Variants in FRK observed in about 807,000 individuals in gnomAD.
FRK encodes the protein tyrosine-protein kinase FRK.
FRK carries 51 observed loss-of-function variants against 56.4 expected under a neutral mutation model. The ratio of observed to expected loss-of-function variants is 0.90; its 90% CI spans 0.72 to 1.14. The LOEUF (loss-of-function observed/expected upper bound fraction) is 1.14. Among genes scored for constraint, FRK ranks in the 50% most tolerant of loss-of-function variants. The probability of loss-of-function intolerance (pLI) is 0.00; values close to 1 mark genes in which losing one functional copy is unlikely to be tolerated. For synonymous variants in FRK, 245 were observed against 217.9 expected, an observed-to-expected ratio of 1.12 and a Z score of -1.10; for missense variants, 570 against 601.4, an observed-to-expected ratio of 0.95 and a Z score of 0.55.
chr6:116,028,694 T>C (rs1035586527), intron 1 of FRK, among the ~76,000 whole-genome samples: 1 of 152,050 alleles, frequency 6.6e-6, no homozygotes, highest in Non-Finnish European at 1.5e-5. Context: ...ATTTCCCCTT[T>C]ATATAAGTAC....
At chr6:116,051,832 G>A (rs1352922822) in intron 1 of FRK, among the ~76,000 whole-genome samples, 4 of 152,076 alleles carry the variant, frequency 2.6e-5, no homozygotes, top group Non-Finnish European at 5.9e-5. Context: ...TTTTGGTAAT[G>A]TTAGAATGTA....
intron 1 of FRK, among the ~76,000 whole-genome samples, chr6:116,025,160 C>G (rs912667986): frequency 1.3e-5 from 2 of 152,054 alleles, no homozygotes; most frequent in African/African-American, 4.8e-5. Context: ...ATTAGTGAGG[C>G]CCCAGAAGAT....
intron 1 of FRK, among the ~76,000 whole-genome samples, chr6:116,033,422 T>C (rs551545163): frequency 9.2e-5 from 14 of 152,140 alleles, no homozygotes; most frequent in African/African-American, 3.4e-4. Context: ...GAGCAAGGTA[T>C]TACATCTATG....
At chr6:116,081,540 C>A in the FRK span, among the ~76,000 whole-genome samples, 1 of 152,010 alleles carries the variant, frequency 6.6e-6, no homozygotes, top group African/African-American at 2.4e-5. Flanking sequence ...TGCCTGTAAT[C>A]CTAGCTACTC....
chr6:115,994,133 A>G (rs1432794403), intron 2 of FRK, among the ~76,000 whole-genome samples: 4 of 152,012 alleles, frequency 2.6e-5, no homozygotes, highest in South Asian at 2.1e-4. Flanking sequence ...TTTCTTTGCC[A>G]TAAGACTTAT....
intron 2 of FRK, among the ~76,000 whole-genome samples, chr6:116,003,468 T>C (rs1775137867): frequency 6.6e-6 from 1 of 152,212 alleles, no homozygotes; most frequent in South Asian, 2.1e-4. Flanking sequence ...ATTAATCATT[T>C]CAATTCGTTT....
intron 2 of FRK, among the ~76,000 whole-genome samples, chr6:115,996,066 CA>C (rs1774827703): frequency 6.6e-6 from 1 of 152,060 alleles, no homozygotes; most frequent in Non-Finnish European, 1.5e-5. Flanking sequence ...TTTTAAAAAG[CA>C]AAACATCTTT....
chr6:116,050,009 A>G (rs1273253986), intron 1 of FRK, among the ~76,000 whole-genome samples: 1 of 152,098 alleles, frequency 6.6e-6, no homozygotes, highest in East Asian at 1.9e-4. Context: ...TGAGTTGAAC[A>G]TTGTTTTTTA....
At chr6:116,012,054 C>T (rs1057265128) in intron 1 of FRK, among the ~76,000 whole-genome samples, 2 of 152,166 alleles carry the variant, frequency 1.3e-5, no homozygotes, top group African/African-American at 4.8e-5. Context: ...TAACCCTTGT[C>T]TAATTCAACA....
At chr6:115,976,457 T>C (rs2114624639) in intron 2 of FRK, among the ~76,000 whole-genome samples, 1 of 152,286 alleles carries the variant, frequency 6.6e-6, no homozygotes, top group Non-Finnish European at 1.5e-5. Context: ...CACAAAGACG[T>C]CAAGTCGGCT....
chr6:116,033,844 G>A (rs531655814), intron 1 of FRK, among the ~76,000 whole-genome samples: 1 of 152,230 alleles, frequency 6.6e-6, no homozygotes, highest in African/African-American at 2.4e-5. Flanking sequence ...ACATCACAGA[G>A]GCCAGTTAGG....
chr6:116,059,817 G>A (rs1314183576), intron 1 of FRK, 151 bp downstream of exon 1: 1 of 673,536 alleles, frequency 1.5e-6, no homozygotes, highest in East Asian at 2.6e-5. Flanking sequence ...AGCGGGGGAG[G>A]TGTGTTTCAA....
At chr6:116,050,066 A>C (rs1396845101) in intron 1 of FRK, among the ~76,000 whole-genome samples, 1 of 152,170 alleles carries the variant, frequency 6.6e-6, no homozygotes, top group East Asian at 1.9e-4. Flanking sequence ...TATGGCATTT[A>C]TCAGCATCTG....
At chr6:116,061,432 ACG>A (rs1777621833), upstream of FRK, among the ~76,000 whole-genome samples, 2 of 151,230 alleles carry the variant, frequency 1.3e-5, no homozygotes, top group African/African-American at 4.9e-5. Flanking sequence ...ACACACACAC[ACG>A]CTACACACCA....
At chr6:115,977,339 T>C (rs1774026862) in intron 2 of FRK, among the ~76,000 whole-genome samples, 1 of 152,120 alleles carries the variant, frequency 6.6e-6, no homozygotes, top group African/African-American at 2.4e-5. Context: ...TTCTCTCCTT[T>C]CCTGGGGAAA....
intron 1 of FRK, among the ~76,000 whole-genome samples, chr6:116,028,246 A>T (rs1776169637): frequency 6.6e-6 from 1 of 152,154 alleles, no homozygotes; most frequent in East Asian, 1.9e-4. Context: ...TATTTTTAAA[A>T]ATTTCCTATA....
intron 2 of FRK, among the ~76,000 whole-genome samples, chr6:115,981,791 C>G (rs1203778422): frequency 6.6e-6 from 1 of 152,018 alleles, no homozygotes; most frequent in Non-Finnish European, 1.5e-5. Flanking sequence ...ATTTTCATAG[C>G]AGATTACTGT....
the FRK span, among the ~76,000 whole-genome samples, chr6:116,079,623 C>A: frequency 6.6e-6 from 1 of 152,062 alleles, no homozygotes; most frequent in African/African-American, 2.4e-5. Flanking sequence ...CAGAATCTTG[C>A]TCTGTCACCC....
chr6:116,099,872 T>C, the FRK span, among the ~76,000 whole-genome samples: 1 of 152,208 alleles, frequency 6.6e-6, no homozygotes, highest in East Asian at 1.9e-4. Context: ...GTAAACATAA[T>C]AGATTTGTAT....
Sources: allele counts gnomAD v4.1 joint callset (sites outside exome capture counted in the v4.1 genomes callset), GRCh38; gene constraint gnomAD v4.1.1; transcripts MANE v1.5; gene names NCBI Gene and HGNC (gene_info 2026-07-23, HGNC 2026-07-21).